SUZ12: variants seen among roughly 807,000 people sequenced by gnomAD.
SUZ12 encodes polycomb protein SUZ12.
Under a neutral mutation model 87.3 loss-of-function variants are expected in SUZ12, and 17 were observed. That is an observed-to-expected ratio of 0.19 (90% CI 0.13 to 0.29). SUZ12 has a LOEUF of 0.29. Ranked by LOEUF, SUZ12 falls within the 10% of genes least tolerant of loss-of-function variation. The pLI, the probability that SUZ12 is intolerant of heterozygous loss-of-function variation, is 1.00. For missense variants in SUZ12, 526 were observed against 912.2 expected (o/e 0.58, Z 5.45); for synonymous variants, 253 against 312.4 (o/e 0.81, Z 2.01).
Position 31,993,245 on chromosome 17 carries a change from T to C in SUZ12, c.1205T>C (p.Val402Ala). Residue 402 changes from valine to alanine, a missense_variant, in exon 11 of 16, where the codon GTT becomes GCT. Around this residue, in one of 9 missense-constraint regions of SUZ12, gnomAD observed 85 missense variants for 87.4 expected, o/e 0.97. Coordinates refer to ENST00000322652, the MANE Select transcript of SUZ12 (RefSeq NM_015355.4). The stretch of plus-strand genomic sequence containing the variant: ...ATATAAAAGTGTATGTTTTCAGCTG[T>C]TAAAGAATCATTGACTACAGATCTA... Reference protein sequence around the residue: ...GSVKPTQTIAVKESLTTDLQT... With the variant: ...GSVKPTQTIAAKESLTTDLQT... 1 of 1,568,630 alleles carries C rather than the reference T, an allele frequency of 6.4e-7. No homozygotes were observed. Among genetic ancestry groups the C allele is most frequent in the Non-Finnish European group, 8.6e-7 (1 of 1,165,530 alleles).
intron 4 of SUZ12, among the ~76,000 whole-genome samples, chr17:31,948,081 T>C (rs548489000): frequency 3.3e-4 from 51 of 152,306 alleles, no homozygotes; most frequent in Admixed American, 5.2e-4. Context: ...TATTCTCAAA[T>C]ATGAGAGGGG....
At position 31,999,913 on chromosome 17, in the gene SUZ12, A is replaced by C. The variant is rs888364050; in HGVS notation, c.*910A>C. ...TATAAGGGGAGAAGTGTTCTTAAAAAGTCAACCAGAAAACTGTTATGCCTT... is the reference window on the plus strand; with the variant it reads ...TATAAGGGGAGAAGTGTTCTTAAAACGTCAACCAGAAAACTGTTATGCCTT... On this transcript the variant is annotated 3_prime_UTR_variant, in exon 16 of 16. Coordinates refer to ENST00000322652, the MANE Select transcript of SUZ12 (RefSeq NM_015355.4). The C allele has an allele frequency of 3.0e-5, 7 of 232,748 alleles. No individual in the cohort carries two copies. The highest frequency in any genetic ancestry group is 1.5e-4 in the African/African-American group (7 of 45,358). The allele number at this position is 232,748 out of a possible 1,614,324, so 14.4% of individuals were successfully genotyped here.
intron 8 of SUZ12, among the ~76,000 whole-genome samples, chr17:31,982,529 C>T (rs1487854260): frequency 2.0e-5 from 3 of 152,032 alleles, no homozygotes; most frequent in African/African-American, 7.3e-5. Flanking sequence ...CATAGTGGCA[C>T]GCGCCTGTAA....
intron 5 of SUZ12, among the ~76,000 whole-genome samples, chr17:31,968,998 A>G (rs530474455): frequency 2.0e-5 from 3 of 152,308 alleles, no homozygotes; most frequent in Admixed American, 1.3e-4. Context: ...CTCTGTTTCC[A>G]GAAAATAATT....
Position 31,985,158 on chromosome 17 carries a change from CAAAA to C in SUZ12, c.1023+2074_1023+2077del, listed in dbSNP as rs34227080. On this transcript the variant is annotated intron_variant, in intron 9 of 15. Transcript: ENST00000322652. ...GGGGAAACAGAGCAAGACTCTGTCT[CAAAA>C]AAAAAAAAAAAAAAAAAAAGGTTGA... Among the ~76,000 whole-genome samples, 22 of 72,858 alleles carry C rather than the reference CAAAA, an allele frequency of 3.0e-4. No homozygotes were observed. The South Asian group carries it at 6.0e-3, about 20-fold the overall frequency. 47.8% of individuals were successfully genotyped at this position (72,858 alleles called of 152,430 possible). A position where few individuals can be genotyped will look rare whatever the true frequency, so the allele number is the denominator to read the frequency against.
At chr17:31,952,461 C>G (rs2142136841) in intron 4 of SUZ12, among the ~76,000 whole-genome samples, 1 of 152,310 alleles carries the variant, frequency 6.6e-6, no homozygotes, top group African/African-American at 2.4e-5. Flanking sequence ...TGACCAGGCA[C>G]TATGGCTGAT....
At chr17:31,965,686 C>G (rs1281246610) in intron 4 of SUZ12, 1 of 152,454 alleles carries the variant, frequency 6.6e-6, no homozygotes, top group African/African-American at 2.4e-5. Context: ...GATTTAGCTA[C>G]GCTTTTCAAA....
chr17:31,998,380 T>G lies in SUZ12; in HGVS notation c.1875-278T>G, dbSNP rs537363200. ...AGGCGTAATTACCTGGCCCAAATAT[T>G]TTATGCTTTTAAGACTGCTTATGTA... On this transcript the variant is annotated intron_variant, in intron 15 of 15. Coordinates refer to ENST00000322652, the MANE Select transcript of SUZ12 (RefSeq NM_015355.4). 2.0e-3 allele frequency among the ~76,000 whole-genome samples: 297 copies of G among 152,226 alleles called. 2 individuals carry two copies. Among genetic ancestry groups the G allele is most frequent in the Admixed American group, 3.7e-3 (57 of 15,272 alleles).
chr17:31,984,003 A>G (rs1909269693), intron 9 of SUZ12, among the ~76,000 whole-genome samples: 1 of 152,216 alleles, frequency 6.6e-6, no homozygotes. Context: ...AAAATCTCAT[A>G]AGGATTTTTT....
At chr17:31,949,771 C>T (rs2142132427) in intron 4 of SUZ12, among the ~76,000 whole-genome samples, 1 of 141,366 alleles carries the variant, frequency 7.1e-6, no homozygotes, top group East Asian at 2.1e-4. Context: ...ACAGCCTCCA[C>T]CTCCCGGGCT....
intron 3 of SUZ12, among the ~76,000 whole-genome samples, 190 bp from the exon 4 acceptor site, chr17:31,947,427 T>C (rs1255073077): frequency 6.6e-6 from 1 of 152,240 alleles, no homozygotes; most frequent in Non-Finnish European, 1.5e-5. Flanking sequence ...TAGATGGGGC[T>C]TGAAGGCTCG....
At chr17:31,996,536 T>C (rs765579210) in intron 14 of SUZ12, among the ~76,000 whole-genome samples, 13 of 152,148 alleles carry the variant, frequency 8.5e-5, no homozygotes, top group Non-Finnish European at 1.9e-4. Flanking sequence ...GGAGAATTGC[T>C]TGAACCCGGG....
intron 4 of SUZ12, among the ~76,000 whole-genome samples, chr17:31,956,362 G>A (rs559172547): frequency 6.6e-6 from 1 of 150,710 alleles, no homozygotes; most frequent in Admixed American, 6.6e-5. Flanking sequence ...CCTGGCTAAT[G>A]TTTTGTGTTT....
At chr17:31,993,547 C>G (rs1909827862) in intron 11 of SUZ12, among the ~76,000 whole-genome samples, 1 of 152,134 alleles carries the variant, frequency 6.6e-6, no homozygotes, top group Admixed American at 6.6e-5. Context: ...CTCAGCCTCA[C>G]GAGTAACTAA....
chr17:31,989,765 A>C (rs1909613423), intron 10 of SUZ12, among the ~76,000 whole-genome samples: 1 of 129,862 alleles, frequency 7.7e-6, no homozygotes. Flanking sequence ...CGACCAGCTA[A>C]TTTTTTTTTT....
intron 4 of SUZ12, among the ~76,000 whole-genome samples, chr17:31,964,914 G>A (rs1369814650): frequency 6.6e-6 from 1 of 151,874 alleles, no homozygotes; most frequent in Non-Finnish European, 1.5e-5. Flanking sequence ...CTCGGGAGGC[G>A]GAGGTTGTAG....
chr17:31,971,560 A>G (rs1029258915), intron 5 of SUZ12, among the ~76,000 whole-genome samples: 2 of 151,120 alleles, frequency 1.3e-5, no homozygotes, highest in African/African-American at 4.9e-5. Flanking sequence ...CCTCCCAAGT[A>G]GCTGAGATTA....
intron 4 of SUZ12, among the ~76,000 whole-genome samples, chr17:31,954,367 G>A (rs1907176977): frequency 6.6e-6 from 1 of 152,108 alleles, no homozygotes; most frequent in South Asian, 2.1e-4. Flanking sequence ...AGCCAACTTT[G>A]TTTTTGATGC....
intron 4 of SUZ12, among the ~76,000 whole-genome samples, chr17:31,955,317 C>T (rs969623143): frequency 6.6e-6 from 1 of 152,104 alleles, no homozygotes; most frequent in African/African-American, 2.4e-5. Context: ...GGTCTCACTT[C>T]ATCAGCCAGG....
Sources: allele counts gnomAD v4.1 joint callset (sites outside exome capture counted in the v4.1 genomes callset), GRCh38; gene constraint gnomAD v4.1.1; regional missense constraint gnomAD v4.1.1; transcripts MANE v1.5; gene names NCBI Gene and HGNC (gene_info 2026-07-23, HGNC 2026-07-21).